The following CCSER1 variants were observed in gnomAD, a reference collection of about 807,000 sequenced individuals.
CCSER1 encodes coiled-coil serine rich protein 1.
Under a neutral mutation model 82.0 loss-of-function variants are expected in CCSER1, and 41 were observed. That is an observed-to-expected ratio of 0.50 (90% CI 0.39 to 0.65). The LOEUF is 0.65. Ranked by LOEUF, CCSER1 falls within the 30% of genes least tolerant of loss-of-function variation. The pLI, the probability that CCSER1 is intolerant of heterozygous loss-of-function variation, is 0.00. For missense variants in CCSER1, 1,119 were observed against 1,064.2 expected, an observed-to-expected ratio of 1.05 and a Z score of -0.72; for synonymous variants, 414 against 383.9, an observed-to-expected ratio of 1.08 and a Z score of -0.92.
chr4:90,846,147 T>C (rs750959697), intron 8 of CCSER1, among the ~76,000 whole-genome samples: 11 of 152,236 alleles, frequency 7.2e-5, no homozygotes, highest in South Asian at 2.1e-4. Flanking sequence ...TGCATTCTTA[T>C]GTTTCCAATA....
intron 10 of CCSER1, among the ~76,000 whole-genome samples, chr4:91,377,628 C>A (rs1750531345): frequency 6.6e-6 from 1 of 152,024 alleles, no homozygotes; most frequent in South Asian, 2.1e-4. Context: ...TGTTTGAGTT[C>A]TTTGGAGATT....
intron 5 of CCSER1, among the ~76,000 whole-genome samples, chr4:90,566,603 C>CTTT (rs71596531): frequency 7.6e-4 from 104 of 136,782 alleles, no homozygotes; most frequent in African/African-American, 2.6e-3. Context: ...TCACAATTAC[C>CTTT]TTTTTTTTTT....
At chr4:90,469,642 C>T (rs993609853) in intron 5 of CCSER1, among the ~76,000 whole-genome samples, 1 of 151,406 alleles carries the variant, frequency 6.6e-6, no homozygotes, top group Non-Finnish European at 1.5e-5. Context: ...TGAGAAAGGA[C>T]CTGAAATCTA....
chr4:90,835,256 G>A (rs1486157771), intron 8 of CCSER1, among the ~76,000 whole-genome samples: 3 of 152,154 alleles, frequency 2.0e-5, no homozygotes, highest in Non-Finnish European at 4.4e-5. Context: ...GCGTGAACCC[G>A]GGAGGGGGAG....
At chr4:90,354,176 A>C (rs570751190) in intron 3 of CCSER1, among the ~76,000 whole-genome samples, 1 of 152,318 alleles carries the variant, frequency 6.6e-6, no homozygotes, top group Non-Finnish European at 1.5e-5. Flanking sequence ...ACATTATACT[A>C]ACTGAAATAA....
intron 1 of CCSER1, among the ~76,000 whole-genome samples, chr4:90,285,554 T>C (rs1033341744): frequency 1.3e-5 from 2 of 152,034 alleles, no homozygotes; most frequent in Non-Finnish European, 2.9e-5. Flanking sequence ...AGTCTTTCAG[T>C]TTTTCTAAAT....
At chr4:91,204,856 A>G (rs1344335352) in intron 10 of CCSER1, among the ~76,000 whole-genome samples, 1 of 151,772 alleles carries the variant, frequency 6.6e-6, no homozygotes, top group African/African-American at 2.4e-5. Flanking sequence ...TATTGAAATT[A>G]CATATTAATA....
At chr4:90,919,071 C>T (rs6819284) in intron 8 of CCSER1, among the ~76,000 whole-genome samples, 50,849 of 123,210 alleles carry the variant, frequency 0.41, 10,159 homozygotes, top group African/African-American at 0.55. Context: ...CTTAAGTAAT[C>T]TTAAATTGTT....
At chr4:91,059,331 G>GTA (rs1216693321) in intron 9 of CCSER1, among the ~76,000 whole-genome samples, 2 of 149,610 alleles carry the variant, frequency 1.3e-5, no homozygotes, top group Non-Finnish European at 3.0e-5. Context: ...TACATATAGT[G>GTA]TATATATATG....
At chr4:90,908,516 G>A (rs911677587) in intron 8 of CCSER1, among the ~76,000 whole-genome samples, 2 of 152,018 alleles carry the variant, frequency 1.3e-5, no homozygotes, top group African/African-American at 4.8e-5. Flanking sequence ...AAAACAAGAA[G>A]CAAATGGTAG....
chr4:90,498,583 G>T (rs1429755611), intron 5 of CCSER1, among the ~76,000 whole-genome samples: 1 of 152,108 alleles, frequency 6.6e-6, no homozygotes, highest in Non-Finnish European at 1.5e-5. Context: ...CTGCCTCATT[G>T]TAAATTATAA....
chr4:91,589,574 C>CTTTTTTT (rs11411865), intron 10 of CCSER1, among the ~76,000 whole-genome samples: 1 of 144,610 alleles, frequency 6.9e-6, no homozygotes, highest in African/African-American at 2.5e-5. Context: ...ACAAGAGGCT[C>CTTTTTTT]TTTTTTTTTT....
chr4:90,835,947 A>G (rs1173789003), intron 8 of CCSER1, among the ~76,000 whole-genome samples: 1 of 152,218 alleles, frequency 6.6e-6, no homozygotes, highest in Non-Finnish European at 1.5e-5. Flanking sequence ...AGTCTAGAAT[A>G]CAAGCATAGA....
At chr4:91,434,877 C>T (rs78059837) in intron 10 of CCSER1, among the ~76,000 whole-genome samples, 2,410 of 152,284 alleles carry the variant, frequency 0.016, 25 homozygotes, top group Middle Eastern at 0.037. Context: ...ATGATGATGA[C>T]ATCAGATAGT....
chr4:91,592,547 G>T (rs1417822016), intron 10 of CCSER1, among the ~76,000 whole-genome samples: 1 of 152,112 alleles, frequency 6.6e-6, no homozygotes, highest in Non-Finnish European at 1.5e-5. Flanking sequence ...ACATTTCTCA[G>T]TGTGAATTAT....
chr4:91,125,659 T>C (rs1340362554), intron 10 of CCSER1, among the ~76,000 whole-genome samples: 1 of 151,664 alleles, frequency 6.6e-6, no homozygotes, highest in African/African-American at 2.4e-5. Context: ...TGATTTAACA[T>C]AGCCCAGGAG....
chr4:90,412,215 C>CA (rs1452203509), intron 4 of CCSER1, among the ~76,000 whole-genome samples: 4 of 148,318 alleles, frequency 2.7e-5, no homozygotes, highest in Non-Finnish European at 5.9e-5. Context: ...ATTGCAAGGA[C>CA]AAAAAAACCA....
At chr4:91,299,526 C>CTT (rs954141328) in intron 10 of CCSER1, among the ~76,000 whole-genome samples, 1 of 151,766 alleles carries the variant, frequency 6.6e-6, no homozygotes, top group African/African-American at 2.4e-5. Context: ...TTATCATCCC[C>CTT]TTTTTTTGCA....
At chr4:90,407,945 A>T (rs1042945006) in intron 4 of CCSER1, among the ~76,000 whole-genome samples, 1 of 152,166 alleles carries the variant, frequency 6.6e-6, no homozygotes, top group African/African-American at 2.4e-5. Context: ...CTAATACTGC[A>T]CTTTTCCAAC....
Sources: allele counts gnomAD v4.1 joint callset (sites outside exome capture counted in the v4.1 genomes callset), GRCh38; gene constraint gnomAD v4.1.1; transcripts MANE v1.5; gene names NCBI Gene and HGNC (gene_info 2026-07-23, HGNC 2026-07-21).